MFHAS1: variants seen among roughly 807,000 people sequenced by gnomAD.
MFHAS1 encodes the protein malignant fibrous histiocytoma-amplified sequence 1.
In MFHAS1, 50 loss-of-function variants were observed where a neutral mutation model predicts 70.4. The observed-to-expected ratio is 0.71, with a 90% CI of 0.57 to 0.90. MFHAS1 has a LOEUF of 0.90. Among genes scored for constraint, MFHAS1 ranks in the 40% least tolerant of loss-of-function variants. The pLI is 0.00. For missense variants in MFHAS1, 1,795 were observed against 1,347.6 expected, an observed-to-expected ratio of 1.33 and a Z score of -5.20; for synonymous variants, 952 against 620.0, an observed-to-expected ratio of 1.54 and a Z score of -7.96.
At chr8:8,876,216 T>C (rs1228339380) in intron 1 of MFHAS1, among the ~76,000 whole-genome samples, 2 of 152,188 alleles carry the variant, frequency 1.3e-5, no homozygotes, top group African/African-American at 4.8e-5. Context: ...AGCAGTCTAC[T>C]CCAAGAGCTC....
rs1810073664 is a variant in MFHAS1 at position 8,892,031 on chromosome 8, C to A, written c.1028G>T (p.Gly343Val). 6.2e-7 allele frequency: 1 copy of A among 1,613,308 alleles called. No homozygotes were observed. The highest frequency in any genetic ancestry group is 1.3e-5 in the African/African-American group (1 of 74,870). The change falls in exon 1 of 3, where the codon GGC (glycine) becomes GTC (valine). Residue 343 changes from glycine (G) to valine (V), a missense_variant. By Grantham distance (109) the Gly-to-Val change is moderately radical (BLOSUM62 -3). Coordinates refer to ENST00000276282, the MANE Select transcript of MFHAS1 (RefSeq NM_004225.3). The surrounding 1 kb of genome is among the most constrained non-coding windows in gnomAD (Gnocchi z 4.7). Reference protein sequence around the residue: ...YLPDSIVELTGLEELVLQGNQ... With the variant: ...YLPDSIVELTVLEELVLQGNQ... ...CCCCTGCAGCACGAGCTCCTCCAGG[C>A]CGGTCAGCTCCACGATGGAGTCCGG...
chr8:8,791,941 T>C (rs1341031647), intron 2 of MFHAS1, among the ~76,000 whole-genome samples: 1 of 152,126 alleles, frequency 6.6e-6, no homozygotes, highest in African/African-American at 2.4e-5. Context: ...TATGAGAACC[T>C]CTTTAAAACT....
At chr8:8,823,685 TC>T (rs1443693114) in intron 1 of MFHAS1, among the ~76,000 whole-genome samples, 6 of 150,340 alleles carry the variant, frequency 4.0e-5, no homozygotes, top group Admixed American at 6.7e-5. Context: ...TCCCTAATTC[TC>T]CCGTCTTCAG....
At chr8:8,817,673 T>A (rs1430635923) in intron 1 of MFHAS1, among the ~76,000 whole-genome samples, 1 of 152,224 alleles carries the variant, frequency 6.6e-6, no homozygotes, top group Non-Finnish European at 1.5e-5. Flanking sequence ...TAGAAACCAG[T>A]TTCGTGGAAG....
intron 1 of MFHAS1, among the ~76,000 whole-genome samples, chr8:8,821,619 GT>G (rs1323351011): frequency 8.3e-6 from 1 of 120,698 alleles, no homozygotes; most frequent in Non-Finnish European, 1.9e-5. Context: ...AGCCAGCAGT[GT>G]TTAAATCTTC....
chr8:8,803,195 G>T (rs1465544246), intron 1 of MFHAS1, among the ~76,000 whole-genome samples: 1 of 152,048 alleles, frequency 6.6e-6, no homozygotes, highest in Non-Finnish European at 1.5e-5. Context: ...TCAACCAACT[G>T]CAGGTCGAAA....
rs149477938 is a variant in MFHAS1, at chr8:8,876,398, C to G, written c.2998+13663G>C. Among the ~76,000 whole-genome samples the G allele has an allele frequency of 4.4e-3, 674 of 152,200 alleles. 3 individuals are homozygous for G. Among genetic ancestry groups the G allele is most frequent in the Admixed American group, 7.2e-3 (110 of 15,294 alleles). On this transcript the variant is annotated intron_variant, in intron 1 of 2. Coordinates refer to ENST00000276282, the MANE Select transcript of MFHAS1 (RefSeq NM_004225.3). ...AATTGAGGAAACTTTGATAAGTTGG[C>G]AGGCAAGGGAAGACAAACTCAAATG...
chr8:8,835,369 C>T (rs923194814), intron 1 of MFHAS1, among the ~76,000 whole-genome samples: 1 of 152,140 alleles, frequency 6.6e-6, no homozygotes, highest in Non-Finnish European at 1.5e-5. Context: ...TCCTGTCCCA[C>T]GGGTCTTGAG....
At chr8:8,816,115 G>A (rs1002188038) in intron 1 of MFHAS1, among the ~76,000 whole-genome samples, 6 of 152,190 alleles carry the variant, frequency 3.9e-5, no homozygotes, top group African/African-American at 1.4e-4. Flanking sequence ...AAGCTAAGCT[G>A]GAGTGACAGG....
chr8:8,848,722 C>T (rs1563202618), intron 1 of MFHAS1, among the ~76,000 whole-genome samples: 3 of 152,082 alleles, frequency 2.0e-5, no homozygotes, highest in East Asian at 1.9e-4. Flanking sequence ...TACATTAGGA[C>T]GTGTTTTTTA....
chr8:8,889,034 A>AC (rs1353819189), intron 1 of MFHAS1, among the ~76,000 whole-genome samples: 2 of 151,664 alleles, frequency 1.3e-5, no homozygotes, highest in African/African-American at 4.8e-5. Flanking sequence ...AGTCTTCAAA[A>AC]AAAAAAAAAA....
chr8:8,842,189 T>A (rs994223555), intron 1 of MFHAS1, among the ~76,000 whole-genome samples: 18 of 151,274 alleles, frequency 1.2e-4, no homozygotes, highest in African/African-American at 4.4e-4. Flanking sequence ...CTGATTTTCT[T>A]TTCTTTTTTT....
At chr8:8,787,082 A>ATT (rs1482734711) in intron 2 of MFHAS1, among the ~76,000 whole-genome samples, 78 of 94,500 alleles carry the variant, frequency 8.3e-4, no homozygotes, top group African/African-American at 2.8e-3. Flanking sequence ...CAGTATTATT[A>ATT]TTATTTTTTT....
intron 1 of MFHAS1, among the ~76,000 whole-genome samples, chr8:8,853,768 G>C (rs557082258): frequency 6.6e-6 from 1 of 152,218 alleles, no homozygotes; most frequent in Non-Finnish European, 1.5e-5. Context: ...GTTTCACTAT[G>C]TTGGGCAGGC....
intron 1 of MFHAS1, among the ~76,000 whole-genome samples, chr8:8,817,138 A>G (rs1806776761): frequency 6.6e-6 from 1 of 152,208 alleles, no homozygotes; most frequent in Non-Finnish European, 1.5e-5. Context: ...AGACTCCGAA[A>G]ACTAGCTCCA....
chr8:8,829,618 T>C (rs1397621051), intron 1 of MFHAS1, among the ~76,000 whole-genome samples: 3 of 152,022 alleles, frequency 2.0e-5, no homozygotes, highest in East Asian at 3.9e-4. Context: ...TAGGTGGAGG[T>C]TGCAGTGAGC....
At chr8:8,831,181 C>A (rs1807373039) in intron 1 of MFHAS1, among the ~76,000 whole-genome samples, 1 of 151,614 alleles carries the variant, frequency 6.6e-6, no homozygotes, top group Non-Finnish European at 1.5e-5. Flanking sequence ...GACACTAACC[C>A]CACTGAATCA....
At chr8:8,819,088 A>C (rs1445422374) in intron 1 of MFHAS1, among the ~76,000 whole-genome samples, 1 of 150,282 alleles carries the variant, frequency 6.7e-6, no homozygotes, top group Non-Finnish European at 1.5e-5. Flanking sequence ...CGGCTTATAT[A>C]ATGGAATATC....
Position 8,825,605 on chromosome 8 carries a change from G to C in MFHAS1, c.2999-28114C>G, listed in dbSNP as rs77016851. Among the ~76,000 whole-genome samples the C allele has an allele frequency of 1.5e-3, 223 of 152,258 alleles. 1 individual carries two copies. The highest frequency in any genetic ancestry group is 5.1e-3 in the African/African-American group (210 of 41,548). On this transcript the variant is annotated intron_variant, in intron 1 of 2. Coordinates refer to ENST00000276282, the MANE Select transcript of MFHAS1 (RefSeq NM_004225.3). ...TGCCTTCTCCCGGTGTCTTCACGTG[G>C]CCTTCCCTCTGAGGATGTTTGGGTA...
Sources: gnomAD v4.1 joint callset for allele counts (sites outside exome capture counted in the v4.1 genomes callset) on GRCh38, gnomAD v4.1.1 for gene constraint, Gnocchi (gnomAD v3.1) non-coding constraint, MANE v1.5 for transcripts, NCBI Gene and HGNC (gene_info 2026-07-23, HGNC 2026-07-21) for gene names.